SAMMSON: variants seen among roughly 807,000 people sequenced by gnomAD.
The protein encoded by SAMMSON is long intergenic non-protein coding RNA 1212.
intron 2 of SAMMSON, among the ~76,000 whole-genome samples, chr3:70,432,499 C>T (rs939572476): frequency 1.3e-5 from 2 of 151,750 alleles, no homozygotes; most frequent in South Asian, 4.1e-4. Context: ...ACTATATTTT[C>T]ATAGCAGTTT....
chr3:70,132,549 G>T (rs1314192864), intron 4 of SAMMSON, among the ~76,000 whole-genome samples: 1 of 152,048 alleles, frequency 6.6e-6, no homozygotes, highest in African/African-American at 2.4e-5. Context: ...CAAGGTGCCT[G>T]TTTTTGGCTT....
intron 4 of SAMMSON, among the ~76,000 whole-genome samples, chr3:70,196,215 A>G (rs1439377496): frequency 6.6e-6 from 1 of 152,208 alleles, no homozygotes; most frequent in Non-Finnish European, 1.5e-5. Flanking sequence ...TCTGTAACGA[A>G]TTAAGAATAT....
chr3:70,294,314 T>G (rs1366809668), intron 7 of SAMMSON, among the ~76,000 whole-genome samples: 1 of 152,168 alleles, frequency 6.6e-6, no homozygotes, highest in Non-Finnish European at 1.5e-5. Context: ...AGGTCATGAA[T>G]AGACCTTGTA....
chr3:70,191,343 T>C (rs1284450941), intron 4 of SAMMSON, among the ~76,000 whole-genome samples: 2 of 152,204 alleles, frequency 1.3e-5, no homozygotes, highest in East Asian at 3.9e-4. Context: ...TTGAGCATAG[T>C]GTTGTTGACT....
rs772873260 is a variant in SAMMSON at position 70,086,029 on chromosome 3, CAAGT to C, written n.507+14470_507+14473del. 2.3e-4 allele frequency among the ~76,000 whole-genome samples: 35 copies of C among 152,324 alleles called. 1 individual carries two copies. Among genetic ancestry groups the C allele is most frequent in the Middle Eastern group, 6.8e-3 (2 of 294 alleles). On this transcript the variant is annotated intron_variant and non_coding_transcript_variant, in intron 4 of 9. Transcript: ENST00000642114. ...TGGGTTTCTTAAAAGCATCACTTCT[CAAGT>C]AAGTATTTATCACAGTCACTGTATT... is the stretch of plus-strand genomic sequence containing the variant.
chr3:70,080,311 T>C (rs1383956374), intron 4 of SAMMSON, among the ~76,000 whole-genome samples: 2 of 152,180 alleles, frequency 1.3e-5, no homozygotes, highest in African/African-American at 4.8e-5. Context: ...CCCAGATAAA[T>C]CACATGCACT....
intron 2 of SAMMSON, among the ~76,000 whole-genome samples, chr3:70,430,481 T>C (rs565448292): frequency 1.3e-5 from 2 of 152,194 alleles, no homozygotes; most frequent in South Asian, 2.1e-4. Context: ...AGGAGTAACA[T>C]GGAGCAGTCT....
intron 4 of SAMMSON, among the ~76,000 whole-genome samples, chr3:70,165,878 A>T (rs1219104095): frequency 6.6e-6 from 1 of 151,992 alleles, no homozygotes; most frequent in Non-Finnish European, 1.5e-5. Flanking sequence ...AGCTCTCTGG[A>T]TATTTTATCC....
chr3:70,283,261 A>G (rs1238008290), intron 6 of SAMMSON, among the ~76,000 whole-genome samples: 1 of 152,084 alleles, frequency 6.6e-6, no homozygotes, highest in Non-Finnish European at 1.5e-5. Context: ...AAACTCATGC[A>G]GTCCTCTGAT....
intron 4 of SAMMSON, among the ~76,000 whole-genome samples, chr3:70,207,205 A>C (rs1701299377): frequency 6.6e-6 from 1 of 152,040 alleles, no homozygotes; most frequent in Non-Finnish European, 1.5e-5. Context: ...ATATGAGCTC[A>C]ATCAAGTCAC....
At chr3:70,399,877 A>C (rs9836000) in intron 2 of SAMMSON, among the ~76,000 whole-genome samples, 48,402 of 148,940 alleles carry the variant, frequency 0.32, 8,025 homozygotes, top group South Asian at 0.39. Flanking sequence ...CAAAAAAAAA[A>C]CAAAAAAACC....
intron 9 of SAMMSON, among the ~76,000 whole-genome samples, chr3:70,366,484 GTTT>G (rs1702920450): frequency 1.7e-5 from 1 of 60,446 alleles, no homozygotes; most frequent in African/African-American, 6.0e-5. Context: ...TTTCGTTTGT[GTTT>G]TTATGTTTTT....
intron 3 of SAMMSON, among the ~76,000 whole-genome samples, chr3:70,040,391 C>T (rs901955464): frequency 5.3e-5 from 8 of 152,088 alleles, no homozygotes; most frequent in Admixed American, 3.9e-4. Flanking sequence ...AGACATGTGC[C>T]CAGGGTCACC....
At position 70,258,250 on chromosome 3, in the gene SAMMSON, C is replaced by A. The variant is rs185483789; in HGVS notation, n.674+8580C>A. Among the ~76,000 whole-genome samples the A allele has an allele frequency of 2.4e-3, 369 of 152,146 alleles. 1 individual carries two copies. The highest frequency in any genetic ancestry group is 4.1e-3 in the Non-Finnish European group (280 of 67,976). ...TAGGGTGGGCAACAATTTCTTAGAT[C>A]AGACACCAAAAGCATGAGCCATAAA... On this transcript the variant is annotated intron_variant and non_coding_transcript_variant, in intron 6 of 9. Coordinates refer to ENST00000642114, the Ensembl canonical transcript of SAMMSON.
At chr3:69,999,942 C>G (rs2066899195) in intron 1 of SAMMSON, 1 of 152,290 alleles carries the variant, frequency 6.6e-6, no homozygotes, top group African/African-American at 2.4e-5. Flanking sequence ...AACCACCTCC[C>G]TTCTCGCTCC....
chr3:70,163,565 A>C (rs930416420), intron 4 of SAMMSON, among the ~76,000 whole-genome samples: 1 of 151,950 alleles, frequency 6.6e-6, no homozygotes, highest in African/African-American at 2.4e-5. Context: ...GGATTTTAAA[A>C]TGCCAGGTTG....
intron 6 of SAMMSON, among the ~76,000 whole-genome samples, chr3:70,260,845 C>T (rs1353191687): frequency 1.3e-5 from 2 of 152,020 alleles, no homozygotes; most frequent in Non-Finnish European, 2.9e-5. Flanking sequence ...AAAAGCAGTC[C>T]CTTTATAAAC....
intron 7 of SAMMSON, among the ~76,000 whole-genome samples, chr3:70,308,522 C>G (rs1702424646): frequency 6.6e-6 from 1 of 152,106 alleles, no homozygotes; most frequent in South Asian, 2.1e-4. Flanking sequence ...TTTCCTAGAT[C>G]TCTTTGACAC....
At chr3:70,177,410 C>G (rs919389883) in intron 4 of SAMMSON, among the ~76,000 whole-genome samples, 3 of 152,202 alleles carry the variant, frequency 2.0e-5, no homozygotes, top group African/African-American at 7.2e-5. Context: ...AAAATATGCT[C>G]TCTCTGACTT....
Sources: gnomAD v4.1 joint callset for allele counts (sites outside exome capture counted in the v4.1 genomes callset) on GRCh38, gnomAD v4.1.1 for gene constraint, MANE v1.5 for transcripts, NCBI Gene and HGNC (gene_info 2026-07-23, HGNC 2026-07-21) for gene names.